The following FAM135B variants were observed in gnomAD, a reference collection of about 807,000 sequenced individuals.
The protein encoded by FAM135B is protein FAM135B.
In FAM135B, 43 loss-of-function variants were observed where a neutral mutation model predicts 127.7. That is an observed-to-expected ratio of 0.34 (90% CI 0.26 to 0.43). The LOEUF (loss-of-function observed/expected upper bound fraction) is 0.43, where lower values mean the gene tolerates loss of function less well. FAM135B is among the 20% of genes least tolerant of loss of function. The probability of loss-of-function intolerance (pLI) is 1.00; values close to 1 mark genes in which losing one functional copy is unlikely to be tolerated. For synonymous variants in FAM135B, 670 were observed against 665.1 expected (o/e 1.01, Z -0.11); for missense variants, 1,558 against 1,725.6 (o/e 0.90, Z 1.72).
chr8:138,311,596 A>G (rs1291296287), intron 2 of FAM135B, among the ~76,000 whole-genome samples: 1 of 152,208 alleles, frequency 6.6e-6, no homozygotes, highest in Middle Eastern at 3.2e-3. Flanking sequence ...CATTTCTGGC[A>G]TCATCATTGT....
At chr8:138,224,842 T>TTTAG (rs1819291768) in intron 7 of FAM135B, among the ~76,000 whole-genome samples, 1 of 152,130 alleles carries the variant, frequency 6.6e-6, no homozygotes, top group African/African-American at 2.4e-5. Context: ...CGATCTCAGT[T>TTTAG]ATATGTGGAA....
At chr8:138,402,084 GT>G (rs1372625892) in intron 1 of FAM135B, among the ~76,000 whole-genome samples, 13 of 152,202 alleles carry the variant, frequency 8.5e-5, no homozygotes, top group African/African-American at 3.1e-4. Context: ...TGGTGCTGAA[GT>G]TCCACGGGCA....
At chr8:138,210,702 C>A (rs1372433927) in intron 7 of FAM135B, among the ~76,000 whole-genome samples, 1 of 152,132 alleles carries the variant, frequency 6.6e-6, no homozygotes, top group East Asian at 1.9e-4. Flanking sequence ...GTCCCTCCCC[C>A]TAACATTGGG....
chr8:138,446,133 C>T (rs1376977225), intron 1 of FAM135B, among the ~76,000 whole-genome samples: 11 of 152,078 alleles, frequency 7.2e-5, no homozygotes, highest in African/African-American at 2.7e-4. Flanking sequence ...AACTACAAAC[C>T]ACTGCTCAAT....
Position 138,168,011 on chromosome 8 carries a change from T to G in FAM135B, c.1142A>C (p.Asn381Thr), listed in dbSNP as rs2130902864. Reference sequence around the variant, plus strand: ...GGGCATGCTAGTGAGGTACTCCGAGTTCCGGATATCCAGGGACAGCTGGCT... The same window carrying G: ...GGGCATGCTAGTGAGGTACTCCGAGGTCCGGATATCCAGGGACAGCTGGCT... The part of the protein sequence containing the change: ...THSQLSLDIR[N>T]SEYLTSMPPL... The change falls in exon 12 of 20, where the codon AAC becomes ACC. Residue 381 changes from asparagine (N) to threonine (T), a missense_variant. By Grantham distance (65) the Asn-to-Thr change is moderately conservative. Coordinates refer to ENST00000395297, the MANE Select transcript of FAM135B (RefSeq NM_015912.4). 6.2e-7 allele frequency: 1 copy of G among 1,613,810 alleles called. No individual in the cohort carries two copies.
intron 11 of FAM135B, among the ~76,000 whole-genome samples, chr8:138,171,080 C>T (rs967513486): frequency 8.5e-5 from 13 of 152,184 alleles, no homozygotes; most frequent in African/African-American, 2.7e-4. Context: ...GCCTGAGCCA[C>T]GCTGCCAGCT....
intron 1 of FAM135B, among the ~76,000 whole-genome samples, chr8:138,442,273 T>TATAC (rs1554694392): frequency 1.4e-5 from 2 of 139,030 alleles, no homozygotes; most frequent in African/African-American, 5.3e-5. Flanking sequence ...TATATATATA[T>TATAC]ATATGAAAAA....
chr8:138,477,084 C>T (rs1246193849), intron 1 of FAM135B, among the ~76,000 whole-genome samples: 1 of 152,168 alleles, frequency 6.6e-6, no homozygotes, highest in Non-Finnish European at 1.5e-5. Context: ...ATCGTCCTTC[C>T]TTGCATCTGA....
At chr8:138,328,722 G>A (rs886991904) in intron 2 of FAM135B, among the ~76,000 whole-genome samples, 1 of 152,178 alleles carries the variant, frequency 6.6e-6, no homozygotes, top group Non-Finnish European at 1.5e-5. Context: ...AACAGAGCTA[G>A]GTTTGAGTCA....
chr8:138,397,008 C>T (rs1310775686), intron 1 of FAM135B, among the ~76,000 whole-genome samples: 1 of 152,184 alleles, frequency 6.6e-6, no homozygotes, highest in Non-Finnish European at 1.5e-5. Flanking sequence ...ATTTGTCCAA[C>T]ACCACAGCTA....
intron 3 of FAM135B, among the ~76,000 whole-genome samples, chr8:138,273,086 A>G (rs1454764983): frequency 6.6e-6 from 1 of 152,240 alleles, no homozygotes; most frequent in African/African-American, 2.4e-5. Flanking sequence ...GTGAATAAAC[A>G]TGCTGCTGGA....
intron 3 of FAM135B, among the ~76,000 whole-genome samples, chr8:138,286,873 A>G (rs1345595027): frequency 6.6e-6 from 1 of 152,218 alleles, no homozygotes; most frequent in Non-Finnish European, 1.5e-5. Flanking sequence ...GCACACCATG[A>G]TATTGGAGCC....
chr8:138,462,728 C>T (rs1166017202), intron 1 of FAM135B, among the ~76,000 whole-genome samples: 1 of 152,012 alleles, frequency 6.6e-6, no homozygotes, highest in Admixed American at 6.6e-5. Context: ...AAAGAAAATG[C>T]TAGGGAATTA....
Position 138,242,587 on chromosome 8 carries a change from C to T in FAM135B, c.669+355G>A, listed in dbSNP as rs149543347. On this transcript the variant is annotated intron_variant, in intron 7 of 19. Transcript: ENST00000395297. This position sits in a 1 kb window ranked among gnomAD's most constrained non-coding sequence, Gnocchi z 9.6. ...TGTTCAGAGAGTGCACAAATGAAAG[C>T]GGGAGCCAGGTTTTGAAACCAGACA... Among the ~76,000 whole-genome samples the T allele has an allele frequency of 9.8e-4, 149 of 152,216 alleles. No individual in the cohort carries two copies. The highest frequency in any genetic ancestry group is 2.7e-3 in the South Asian group (13 of 4,828).
At chr8:138,448,141 G>C (rs568536304) in intron 1 of FAM135B, among the ~76,000 whole-genome samples, 1 of 152,222 alleles carries the variant, frequency 6.6e-6, no homozygotes, top group African/African-American at 2.4e-5. Flanking sequence ...AGTACTTGGG[G>C]TGGGTGTCAG....
intron 1 of FAM135B, among the ~76,000 whole-genome samples, chr8:138,401,483 G>A (rs1173561138): frequency 1.3e-5 from 2 of 152,174 alleles, no homozygotes; most frequent in Non-Finnish European, 2.9e-5. Flanking sequence ...GGGCACTCAC[G>A]TCGCCTTTCT....
chr8:138,336,602 G>A (rs183945993), intron 2 of FAM135B, among the ~76,000 whole-genome samples: 1 of 152,140 alleles, frequency 6.6e-6, no homozygotes, highest in Admixed American at 6.5e-5. Context: ...CTCTCAAATT[G>A]AGGCAATAAC....
chr8:138,447,857 A>G (rs1011020040), intron 1 of FAM135B, among the ~76,000 whole-genome samples: 3 of 151,978 alleles, frequency 2.0e-5, no homozygotes, highest in African/African-American at 7.2e-5. Flanking sequence ...GAAGACAAAG[A>G]AGGGTAAAGG....
At chr8:138,437,852 T>C (rs906613470) in intron 1 of FAM135B, 3 of 152,186 alleles carry the variant, frequency 2.0e-5, no homozygotes, top group Non-Finnish European at 2.9e-5. Flanking sequence ...ATTCAGTAAA[T>C]AGTAGCACAA....
Sources: gnomAD v4.1 joint callset for allele counts (sites outside exome capture counted in the v4.1 genomes callset) on GRCh38, gnomAD v4.1.1 for gene constraint, Gnocchi (gnomAD v3.1) non-coding constraint, MANE v1.5 for transcripts, NCBI Gene and HGNC (gene_info 2026-07-23, HGNC 2026-07-21) for gene names.